The following ITGAL variants were observed in gnomAD, a reference collection of about 807,000 sequenced individuals.
ITGAL encodes the protein integrin subunit alpha L.
In ITGAL, 68 loss-of-function variants were observed where a neutral mutation model predicts 138.4. The ratio of observed to expected loss-of-function variants is 0.49; its 90% CI spans 0.40 to 0.60. The LOEUF (loss-of-function observed/expected upper bound fraction) is 0.60, where lower values mean the gene tolerates loss of function less well. Among genes scored for constraint, ITGAL ranks in the 20% least tolerant of loss-of-function variants. ITGAL has a pLI of 0.00. For missense variants in ITGAL, 1,256 were observed against 1,478.6 expected (o/e 0.85, Z 2.47); for synonymous variants, 561 against 584.3 (o/e 0.96, Z 0.57).
intron 29 of ITGAL, among the ~76,000 whole-genome samples, chr16:30,519,396 A>C (rs1228774506): frequency 6.6e-6 from 1 of 152,088 alleles, no homozygotes; most frequent in Non-Finnish European, 1.5e-5. Flanking sequence ...AAAAAAAAAA[A>C]TCAATCTGAT....
chr16:30,521,603 G>A lies in ITGAL; in HGVS notation c.3451G>A (p.Asp1151Asn). The A allele has an allele frequency of 6.2e-7, 1 of 1,614,210 alleles. No individual in the cohort carries two copies. Among genetic ancestry groups the A allele is most frequent in the South Asian group, 1.1e-5 (1 of 91,092 alleles). ...GCTGGCATCTGGGCAAGAGGCTGGG[G>A]ATCCCGGCTGCCTGAAGCCCCTCCA... Reference protein sequence around the residue: ...EQLASGQEAGDPGCLKPLHEK... With the variant: ...EQLASGQEAGNPGCLKPLHEK... The change falls in exon 31 of 31, where the codon GAT becomes AAT. Residue 1151 changes from aspartate to asparagine, a missense_variant. Coordinates refer to ENST00000356798, the MANE Select transcript of ITGAL (RefSeq NM_002209.3).
chr16:30,499,696 T>A (rs1291653102), intron 17 of ITGAL: 1 of 118,672 alleles, frequency 8.4e-6, no homozygotes, highest in African/African-American at 3.3e-5. Context: ...TGTATATATA[T>A]GTGTATATAT....
chr16:30,493,285 A>ATTTTATTTTATTTTATTTTATTTT (rs2050751441), intron 11 of ITGAL, among the ~76,000 whole-genome samples: 1 of 37,518 alleles, frequency 2.7e-5, no homozygotes, highest in African/African-American at 2.1e-4. Context: ...TATTTTATTT[A>ATTTTATTTTATTTTATTTTATTTT]TTTATTTATT....
intron 25 of ITGAL, among the ~76,000 whole-genome samples, chr16:30,515,634 CAT>C (rs2051155467): frequency 1.3e-5 from 2 of 152,178 alleles, no homozygotes; most frequent in Admixed American, 1.3e-4. Context: ...TGGCTCCCCA[CAT>C]GTCTCTTCTT....
intron 9 of ITGAL, 26 bp downstream of exon 9, chr16:30,484,289 C>T: frequency 1.3e-6 from 2 of 1,599,884 alleles, no homozygotes; most frequent in Non-Finnish European, 1.7e-6. Context: ...TGGGAGAGGG[C>T]TCGGGAGTCT....
Position 30,494,159 on chromosome 16 carries a change from T to C in ITGAL, c.1214-53T>C. The C allele has an allele frequency of 6.7e-7, 1 of 1,485,478 alleles. No homozygotes were observed. Among genetic ancestry groups the C allele is most frequent in the South Asian group, 1.3e-5 (1 of 75,656 alleles). 92.0% of individuals were successfully genotyped at this position (1,485,478 alleles called of 1,614,324 possible). ...GGGCCCCTGCCCCTCTCCTGCTGGGTGTTCTTCCAGCATCCTGTGTTCCTA... is the reference window on the plus strand; with the variant it reads ...GGGCCCCTGCCCCTCTCCTGCTGGGCGTTCTTCCAGCATCCTGTGTTCCTA... On this transcript the variant is annotated intron_variant, in intron 11 of 30. Transcript: ENST00000356798. This position sits in a 1 kb window ranked among gnomAD's most constrained non-coding sequence, Gnocchi z 4.2.
rs960248575 is a variant in ITGAL, at chr16:30,511,147, C to T, written c.2786+11C>T. 3.1e-6 allele frequency: 5 copies of T among 1,603,648 alleles called. No homozygotes were observed. In the African/African-American group the frequency reaches 4.0e-5, roughly 13 times the overall value. ...CATCCTCATCCAGGAGTAAGTTCTT[C>T]CCAGCAGACAGCCAACCCTCTCCTC... is the stretch of plus-strand genomic sequence containing the variant. On this transcript the variant is annotated intron_variant, in intron 24 of 30. Coordinates refer to ENST00000356798, the MANE Select transcript of ITGAL (RefSeq NM_002209.3).
intron 25 of ITGAL, 123 bp from the exon 26 acceptor site, chr16:30,516,850 C>T (rs531588589): frequency 1.6e-5 from 12 of 751,940 alleles, no homozygotes; most frequent in Admixed American, 5.5e-5. Context: ...ACTGCCTAAC[C>T]GACAAGGGCC....
intron 29 of ITGAL, 157 bp from the exon 30 acceptor site, chr16:30,519,700 G>A: frequency 1.5e-6 from 1 of 664,366 alleles, no homozygotes; most frequent in South Asian, 1.7e-5. Context: ...GGCAGCGACT[G>A]CAATAGGTGA....
intron 20 of ITGAL, among the ~76,000 whole-genome samples, chr16:30,506,054 G>A (rs1265268125): frequency 6.6e-6 from 1 of 151,996 alleles, no homozygotes; most frequent in Non-Finnish European, 1.5e-5. Flanking sequence ...GAGGTCAGGA[G>A]CTCGAGGCCA....
At chr16:30,493,314 C>G (rs2050752114) in intron 11 of ITGAL, among the ~76,000 whole-genome samples, 1 of 134,908 alleles carries the variant, frequency 7.4e-6, no homozygotes, top group African/African-American at 3.0e-5. Context: ...GAGTCTCGCT[C>G]TGTCGCCCGG....
intron 6 of ITGAL, 140 bp downstream of exon 6, chr16:30,479,601 G>C: frequency 3.6e-6 from 2 of 555,334 alleles, no homozygotes. Context: ...GAAGGGACAA[G>C]AACCAGGGAG....
chr16:30,488,185 A>C (rs1471012777), intron 9 of ITGAL, among the ~76,000 whole-genome samples: 1 of 145,628 alleles, frequency 6.9e-6, no homozygotes, highest in South Asian at 2.2e-4. Context: ...ACACAGCAAG[A>C]CCCTGTCTCA....
At chr16:30,508,697 A>C (rs560302745) in intron 21 of ITGAL, among the ~76,000 whole-genome samples, 32 of 152,188 alleles carry the variant, frequency 2.1e-4, no homozygotes, top group Non-Finnish European at 3.2e-4. Flanking sequence ...CTGTCTCTAC[A>C]CAAAATTAAA....
chr16:30,494,662 AC>A lies in ITGAL; in HGVS notation c.1366-47del. The A allele has an allele frequency of 6.4e-7, 1 of 1,553,670 alleles. No individual in the cohort carries two copies. The highest frequency in any genetic ancestry group is 1.4e-5 in the African/African-American group (1 of 73,352). On this transcript the variant is annotated intron_variant, in intron 12 of 30. Transcript: ENST00000356798. This position sits in a 1 kb window ranked among gnomAD's most constrained non-coding sequence, Gnocchi z 4.2. ...ACACGGTACAGGTATCTCCCTGCCA[AC>A]CCCTGCTGTTCCCACAGGCGCTTCC...
chr16:30,496,450 C>T lies in ITGAL; in HGVS notation c.1716C>T (p.Thr572=), dbSNP rs1354373476. Residue 572 remains threonine (T), a synonymous_variant, in exon 15 of 31, where the codon ACC becomes ACT. Transcript: ENST00000356798. ...SPQPSQRIEG[T]QVLSGIQWFG... is the part of the protein sequence containing the mutation. The stretch of plus-strand genomic sequence containing the variant: ...CTTGCTCTCAGCGGATAGAAGGGAC[C>T]CAAGTGCTCTCAGGAATTCAGTGGT... 1.2e-6 allele frequency: 2 copies of T among 1,613,766 alleles called. No individual in the cohort carries two copies. Among genetic ancestry groups the T allele is most frequent in the Admixed American group, 1.7e-5 (1 of 59,926 alleles).
chr16:30,518,237 C>T (rs934606010), intron 28 of ITGAL, among the ~76,000 whole-genome samples: 1 of 152,034 alleles, frequency 6.6e-6, no homozygotes, highest in Non-Finnish European at 1.5e-5. Flanking sequence ...CACTTGAGGT[C>T]GGGAGTTCTA....
intron 7 of ITGAL, among the ~76,000 whole-genome samples, chr16:30,482,263 G>T (rs2050572365): frequency 6.6e-6 from 1 of 152,092 alleles, no homozygotes; most frequent in Non-Finnish European, 1.5e-5. Context: ...GGACAACAGA[G>T]CAAGATCTTA....
At chr16:30,498,669 C>T (rs11574944) in intron 15 of ITGAL, 39,102 of 158,050 alleles carry the variant, frequency 0.25, 6,308 homozygotes, top group South Asian at 0.59. Flanking sequence ...GAGCCCAAGC[C>T]GGGAGGATTG....
Sources: allele counts gnomAD v4.1 joint callset (sites outside exome capture counted in the v4.1 genomes callset), GRCh38; gene constraint gnomAD v4.1.1; non-coding constraint Gnocchi (gnomAD v3.1); transcripts MANE v1.5; gene names NCBI Gene and HGNC (gene_info 2026-07-23, HGNC 2026-07-21).